Variants in GRM3 observed in about 807,000 individuals in gnomAD.
The protein encoded by GRM3 is glutamate metabotropic receptor 3, also known as metabotropic glutamate receptor 3.
Under a neutral mutation model 70.5 loss-of-function variants are expected in GRM3, and 26 were observed. The ratio of observed to expected loss-of-function variants is 0.37; its 90% CI spans 0.27 to 0.51. The LOEUF is 0.51. GRM3 is among the 20% of genes least tolerant of loss of function. The probability of loss-of-function intolerance (pLI) is 0.93; values close to 1 mark genes in which losing one functional copy is unlikely to be tolerated. For missense variants in GRM3, 859 were observed against 1,123.8 expected, an observed-to-expected ratio of 0.76 and a Z score of 3.37; for synonymous variants, 443 against 434.9, an observed-to-expected ratio of 1.02 and a Z score of -0.23.
In GRM3 at chr7:86,839,206, C is replaced by T; in HGVS notation, c.1692C>T (p.Asp564=). 1 of 1,613,752 alleles carries T rather than the reference C, an allele frequency of 6.2e-7. No individual in the cohort carries two copies. The highest frequency in any genetic ancestry group is 8.5e-7 in the Non-Finnish European group (1 of 1,179,640). The part of the protein sequence containing the change: ...WPTADLTGCY[D]LPEDYIRWED... ...CTGCAGACCTAACTGGATGCTATGA[C>T]CTTCCTGAGGACTACATCAGGTGGG... The change falls in exon 4 of 6, where the codon GAC becomes GAT. Residue 564 remains aspartate (D), a synonymous_variant. Transcript: ENST00000361669. This position sits in a 1 kb window ranked among gnomAD's most constrained non-coding sequence, Gnocchi z 4.5.
chr7:86,645,662 A>C (rs1479962894), intron 1 of GRM3, among the ~76,000 whole-genome samples: 6 of 152,130 alleles, frequency 3.9e-5, no homozygotes, highest in Non-Finnish European at 4.4e-5. Flanking sequence ...AAGGTACAAC[A>C]CTTTTAGGTA....
intron 2 of GRM3, among the ~76,000 whole-genome samples, chr7:86,780,136 G>C (rs1420394461): frequency 6.6e-6 from 1 of 152,054 alleles, no homozygotes; most frequent in Non-Finnish European, 1.5e-5. Context: ...TTGGACATTT[G>C]GGTTGGTTCC....
chr7:86,849,649 G>A (rs1798722184), intron 4 of GRM3, among the ~76,000 whole-genome samples: 1 of 152,098 alleles, frequency 6.6e-6, no homozygotes, highest in Non-Finnish European at 1.5e-5. Context: ...TCTGGGATGA[G>A]AATGAGAAGA....
At chr7:86,714,949 T>A (rs1795281725) in intron 1 of GRM3, among the ~76,000 whole-genome samples, 1 of 151,998 alleles carries the variant, frequency 6.6e-6, no homozygotes, top group African/African-American at 2.4e-5. Flanking sequence ...ACCATGTGAT[T>A]GTCACAAAAC....
intron 1 of GRM3, among the ~76,000 whole-genome samples, chr7:86,655,793 T>A (rs1793720108): frequency 6.6e-6 from 1 of 151,082 alleles, no homozygotes; most frequent in Admixed American, 6.6e-5. Flanking sequence ...AACTTCACAC[T>A]AGACCCCAAG....
intron 1 of GRM3, among the ~76,000 whole-genome samples, chr7:86,698,713 G>C (rs1228346207): frequency 1.3e-5 from 2 of 151,828 alleles, no homozygotes; most frequent in Non-Finnish European, 2.9e-5. Flanking sequence ...GTTAATATCT[G>C]ATTAAGACAG....
At chr7:86,738,153 C>G (rs371099346) in intron 1 of GRM3, among the ~76,000 whole-genome samples, 2 of 152,076 alleles carry the variant, frequency 1.3e-5, no homozygotes, top group African/African-American at 2.4e-5. Flanking sequence ...TAGGGATGGA[C>G]AGCAAACAGT....
intron 2 of GRM3, among the ~76,000 whole-genome samples, chr7:86,770,811 C>G (rs772171749): frequency 1.3e-5 from 2 of 152,172 alleles, no homozygotes; most frequent in South Asian, 4.2e-4. Flanking sequence ...ATCTGATAGA[C>G]AGCTGAATGG....
chr7:86,762,005 C>T lies in GRM3; in HGVS notation c.-140-3001C>T, dbSNP rs556315953. ...CTTTTTGCAAAGACACATGGTCAGC[C>T]TGTGTTGATGGCCTTCTTTTAATTA... On this transcript the variant is annotated intron_variant, in intron 1 of 5. Coordinates refer to ENST00000361669, the MANE Select transcript of GRM3 (RefSeq NM_000840.3). Among the ~76,000 whole-genome samples, 7 of 152,178 alleles carry T rather than the reference C, an allele frequency of 4.6e-5. No individual in the cohort carries two copies. The South Asian group carries it at 1.2e-3, about 27-fold the overall frequency.
At chr7:86,743,828 T>A (rs1194091145) in intron 1 of GRM3, among the ~76,000 whole-genome samples, 1 of 152,124 alleles carries the variant, frequency 6.6e-6, no homozygotes, top group Non-Finnish European at 1.5e-5. Context: ...TATACACTAA[T>A]GCATTAACTT....
At chr7:86,861,289 A>T (rs912928706) in intron 5 of GRM3, among the ~76,000 whole-genome samples, 1 of 152,214 alleles carries the variant, frequency 6.6e-6, no homozygotes, top group African/African-American at 2.4e-5. Context: ...ATTCTTTGAA[A>T]TGCAAACATT....
At chr7:86,678,531 A>T (rs370837155) in intron 1 of GRM3, among the ~76,000 whole-genome samples, 1 of 152,190 alleles carries the variant, frequency 6.6e-6, no homozygotes, top group East Asian at 1.9e-4. Flanking sequence ...GTAAAGGAGC[A>T]CATAATTAAA....
At chr7:86,763,331 G>A (rs1796526380) in intron 1 of GRM3, among the ~76,000 whole-genome samples, 1 of 152,148 alleles carries the variant, frequency 6.6e-6, no homozygotes, top group African/African-American at 2.4e-5. Flanking sequence ...GGAGTCTGAT[G>A]CAGTCAGATC....
intron 1 of GRM3, among the ~76,000 whole-genome samples, chr7:86,652,267 T>C (rs371495355): frequency 1.3e-5 from 2 of 152,128 alleles, no homozygotes; most frequent in Admixed American, 6.5e-5. Flanking sequence ...TTGTGTTTGT[T>C]GCTATGTGAT....
intron 3 of GRM3, among the ~76,000 whole-genome samples, chr7:86,792,192 C>T (rs374625782): frequency 2.0e-5 from 3 of 152,088 alleles, no homozygotes; most frequent in East Asian, 1.9e-4. Context: ...TCCAGAAAGT[C>T]GAATAGAATA....
At position 86,748,410 on chromosome 7, in the gene GRM3, C is replaced by T. The variant is rs150473173; in HGVS notation, c.-140-16596C>T. 1.7e-3 allele frequency among the ~76,000 whole-genome samples: 263 copies of T among 152,024 alleles called. 3 individuals are homozygous for T. The highest frequency in any genetic ancestry group is 5.9e-3 in the African/African-American group (243 of 41,484). ...AGAAGAAAAATATATATTGGAAGAA[C>T]CAAGCACAATATGTTACATCCACAG... On this transcript the variant is annotated intron_variant, in intron 1 of 5. Transcript: ENST00000361669.
chr7:86,789,143 A>G (rs988881973), intron 3 of GRM3, among the ~76,000 whole-genome samples: 1 of 152,168 alleles, frequency 6.6e-6, no homozygotes, highest in Admixed American at 6.5e-5. Context: ...ACAAAGTGCT[A>G]TTTTAGCCTT....
At chr7:86,709,521 G>A (rs77483700) in intron 1 of GRM3, among the ~76,000 whole-genome samples, 1,997 of 151,998 alleles carry the variant, frequency 0.013, 38 homozygotes, top group African/African-American at 0.046. Flanking sequence ...CTCAACCTCA[G>A]GTAAGAAATG....
chr7:86,664,147 C>CT (rs1301227985), intron 1 of GRM3, among the ~76,000 whole-genome samples: 10 of 151,540 alleles, frequency 6.6e-5, no homozygotes, highest in Non-Finnish European at 8.8e-5. Context: ...CATAATTTTT[C>CT]TTTTTTTTAA....
Sources: allele counts gnomAD v4.1 joint callset (sites outside exome capture counted in the v4.1 genomes callset), GRCh38; gene constraint gnomAD v4.1.1; non-coding constraint Gnocchi (gnomAD v3.1); transcripts MANE v1.5; gene names NCBI Gene and HGNC (gene_info 2026-07-23, HGNC 2026-07-21).